STXBP4: variants seen among roughly 807,000 people sequenced by gnomAD.
STXBP4 encodes the protein syntaxin binding protein 4.
In STXBP4, 55 loss-of-function variants were observed where a neutral mutation model predicts 76.1. The ratio of observed to expected loss-of-function variants is 0.72; its 90% CI spans 0.58 to 0.91. The LOEUF is 0.91. Ranked by LOEUF, STXBP4 falls within the 40% of genes least tolerant of loss-of-function variation. The pLI is 0.00. For synonymous variants in STXBP4, 201 were observed against 220.2 expected (o/e 0.91, Z 0.77); for missense variants, 618 against 636.9 (o/e 0.97, Z 0.32).
intron 8 of STXBP4, among the ~76,000 whole-genome samples, chr17:55,014,947 C>T (rs1056669246): frequency 6.6e-5 from 10 of 152,058 alleles, no homozygotes; most frequent in African/African-American, 2.2e-4. Context: ...CCCGTTCTGC[C>T]TGCTCCTCCT....
At chr17:55,203,321 C>T in the STXBP4 span, among the ~76,000 whole-genome samples, 62 of 152,114 alleles carry the variant, frequency 4.1e-4, no homozygotes, top group African/African-American at 1.5e-3. Context: ...CAGCGCATTG[C>T]AATAACTGTC....
chr17:55,152,261 C>T (rs2080225126), intron 17 of STXBP4, among the ~76,000 whole-genome samples: 1 of 152,102 alleles, frequency 6.6e-6, no homozygotes, highest in South Asian at 2.1e-4. Flanking sequence ...ATGAGTAGGA[C>T]ACTTCCCTAC....
intron 2 of STXBP4, 52 bp from the exon 3 acceptor site, chr17:54,986,090 A>T (rs2077622711): frequency 1.3e-6 from 1 of 762,962 alleles, no homozygotes; most frequent in Non-Finnish European, 2.2e-6. Flanking sequence ...GTTGGAATCA[A>T]ATTTGACAGT....
At chr17:55,076,291 A>G (rs1045333116) in intron 13 of STXBP4, among the ~76,000 whole-genome samples, 1 of 151,994 alleles carries the variant, frequency 6.6e-6, no homozygotes, top group Non-Finnish European at 1.5e-5. Context: ...CATTTTTACC[A>G]TTTTCTGTTA....
intron 17 of STXBP4, among the ~76,000 whole-genome samples, chr17:55,142,935 G>A (rs1431187642): frequency 6.6e-6 from 1 of 152,148 alleles, no homozygotes; most frequent in Non-Finnish European, 1.5e-5. Context: ...CTAGCATGCA[G>A]GATTAATCAT....
At chr17:54,971,663 A>G (rs930645130) in intron 1 of STXBP4, among the ~76,000 whole-genome samples, 3 of 152,212 alleles carry the variant, frequency 2.0e-5, no homozygotes, top group African/African-American at 7.2e-5. Context: ...ATTTGTCCCA[A>G]TCATTTCCAT....
At chr17:55,090,662 T>C (rs2079399261) in intron 16 of STXBP4, among the ~76,000 whole-genome samples, 1 of 152,140 alleles carries the variant, frequency 6.6e-6, no homozygotes, top group Non-Finnish European at 1.5e-5. Flanking sequence ...TTCTAGCTCT[T>C]ATAAACAAAT....
chr17:55,103,665 T>A (rs1203896202), intron 16 of STXBP4, among the ~76,000 whole-genome samples: 1 of 152,032 alleles, frequency 6.6e-6, no homozygotes, highest in Middle Eastern at 3.2e-3. Context: ...TCTAATTCTG[T>A]GAAGAAAGTC....
At chr17:55,042,903 A>G (rs1165435572) in intron 10 of STXBP4, among the ~76,000 whole-genome samples, 2 of 152,184 alleles carry the variant, frequency 1.3e-5, no homozygotes, top group African/African-American at 2.4e-5. Flanking sequence ...TCTTTAGGGA[A>G]TAGTTTATGT....
chr17:55,194,441 C>T, the STXBP4 span, among the ~76,000 whole-genome samples: 2 of 152,120 alleles, frequency 1.3e-5, no homozygotes, highest in African/African-American at 4.8e-5. Flanking sequence ...GAATCTAGAG[C>T]TCCTCCTATT....
intron 16 of STXBP4, among the ~76,000 whole-genome samples, chr17:55,115,965 C>A (rs184669012): frequency 1.3e-5 from 2 of 151,888 alleles, no homozygotes; most frequent in Admixed American, 6.6e-5. Flanking sequence ...CCTTCCAATT[C>A]TTTTCTGAAT....
At chr17:55,185,287 CCTT>C in the STXBP4 span, among the ~76,000 whole-genome samples, 1 of 108,346 alleles carries the variant, frequency 9.2e-6, no homozygotes, top group African/African-American at 3.9e-5. Context: ...TTCTCCTTCT[CCTT>C]CTCCTTCTCC....
chr17:55,110,958 C>T (rs1042792710), intron 16 of STXBP4, among the ~76,000 whole-genome samples: 4 of 152,174 alleles, frequency 2.6e-5, no homozygotes, highest in African/African-American at 7.2e-5. Flanking sequence ...AGACTCATAA[C>T]TGTACTTCAG....
chr17:55,146,770 G>C (rs964562564), intron 17 of STXBP4, among the ~76,000 whole-genome samples: 2 of 152,058 alleles, frequency 1.3e-5, no homozygotes, highest in Non-Finnish European at 2.9e-5. Context: ...GGAGTATTTG[G>C]TCCAAGCTCA....
intron 16 of STXBP4, among the ~76,000 whole-genome samples, chr17:55,086,676 C>G (rs2541237): frequency 0.79 from 119,880 of 152,112 alleles, 47,807 homozygotes; most frequent in African/African-American, 0.9. Flanking sequence ...TCTGTTGTTG[C>G]ACACTAAGGT....
chr17:55,123,207 A>G (rs1040206322), intron 16 of STXBP4, among the ~76,000 whole-genome samples: 6 of 152,188 alleles, frequency 3.9e-5, no homozygotes, highest in African/African-American at 1.4e-4. Flanking sequence ...ATCCCTAAAC[A>G]TAGCAGCTTT....
intron 16 of STXBP4, among the ~76,000 whole-genome samples, chr17:55,102,723 C>T (rs1399800886): frequency 3.9e-5 from 6 of 152,086 alleles, no homozygotes; most frequent in Admixed American, 3.9e-4. Context: ...CAATAGTTGA[C>T]CCAATTTACA....
chr17:55,160,006 C>A lies in STXBP4; in HGVS notation c.*95C>A. 2 of 689,076 alleles carry A rather than the reference C, an allele frequency of 2.9e-6. No homozygotes were observed. Among genetic ancestry groups the A allele is most frequent in the South Asian group, 2.0e-5 (1 of 49,712 alleles). 42.7% of individuals were successfully genotyped at this position (689,076 alleles called of 1,614,324 possible). On this transcript the variant is annotated 3_prime_UTR_variant, in exon 18 of 18. Coordinates refer to ENST00000376352, the MANE Select transcript of STXBP4 (RefSeq NM_178509.6). The stretch of plus-strand genomic sequence containing the variant: ...GAAACAGTCTAAAATAGGAGTAAAG[C>A]ATGCACTACTTGTTGAAGTGTGAAA...
At position 55,136,474 on chromosome 17, in the gene STXBP4, C is replaced by A. The variant is rs1357777087; in HGVS notation, c.1490-4836C>A. On this transcript the variant is annotated intron_variant, in intron 16 of 17. Coordinates refer to ENST00000376352, the MANE Select transcript of STXBP4 (RefSeq NM_178509.6). ...GGTAATAAATATTTTAAAACCTAACCACTTCCTAATTATTTTCCTGCATTT... is the reference window on the plus strand; with the variant it reads ...GGTAATAAATATTTTAAAACCTAACAACTTCCTAATTATTTTCCTGCATTT... Among the ~76,000 whole-genome samples, 10 of 151,942 alleles carry A rather than the reference C, an allele frequency of 6.6e-5. No homozygotes were observed. In the East Asian group the frequency reaches 1.9e-3, roughly 29 times the overall value.
Sources: gnomAD v4.1 joint callset for allele counts (sites outside exome capture counted in the v4.1 genomes callset) on GRCh38, gnomAD v4.1.1 for gene constraint, MANE v1.5 for transcripts, NCBI Gene and HGNC (gene_info 2026-07-23, HGNC 2026-07-21) for gene names.